The following SYT1 variants were observed in gnomAD, a reference collection of about 807,000 sequenced individuals.
The protein encoded by SYT1 is synaptotagmin-1.
Under a neutral mutation model 44.8 loss-of-function variants are expected in SYT1, and 8 were observed. The observed-to-expected ratio is 0.18, with a 90% CI of 0.10 to 0.32. SYT1 has a LOEUF of 0.32. SYT1 is among the 10% of genes least tolerant of loss of function. The probability of loss-of-function intolerance (pLI) is 1.00; values close to 1 mark genes in which losing one functional copy is unlikely to be tolerated. For synonymous variants in SYT1, 154 were observed against 188.8 expected (o/e 0.82, Z 1.51); for missense variants, 286 against 509.3 (o/e 0.56, Z 4.22).
intron 3 of SYT1, among the ~76,000 whole-genome samples, chr12:79,210,281 G>A (rs940531738): frequency 1.3e-5 from 2 of 151,396 alleles, no homozygotes; most frequent in Non-Finnish European, 1.5e-5. Flanking sequence ...ACTTATTGGT[G>A]TACAGGTGGT....
chr12:79,070,009 C>A (rs916798117), intron 3 of SYT1, among the ~76,000 whole-genome samples: 1 of 151,960 alleles, frequency 6.6e-6, no homozygotes, highest in Non-Finnish European at 1.5e-5. Flanking sequence ...TGTTCAAATG[C>A]CTTTCATTTT....
intron 1 of SYT1, among the ~76,000 whole-genome samples, chr12:78,914,106 A>G (rs1450938988): frequency 1.0e-4 from 1 of 9,934 alleles, no homozygotes; most frequent in Admixed American, 1.6e-3. Flanking sequence ...TTAATGTTCA[A>G]TTAATTATTC....
chr12:78,962,119 A>G (rs1363633086), intron 1 of SYT1, among the ~76,000 whole-genome samples: 1 of 151,950 alleles, frequency 6.6e-6, no homozygotes, highest in East Asian at 1.9e-4. Flanking sequence ...TGCTTACTTC[A>G]GTGTTTTGGA....
chr12:79,280,459 T>G (rs1019000088), intron 4 of SYT1, among the ~76,000 whole-genome samples: 1 of 151,262 alleles, frequency 6.6e-6, no homozygotes, highest in South Asian at 2.1e-4. Context: ...TACAGAAGAA[T>G]GAAACTGGAT....
At chr12:79,147,642 C>G (rs1870003403) in intron 3 of SYT1, among the ~76,000 whole-genome samples, 2 of 152,132 alleles carry the variant, frequency 1.3e-5, no homozygotes, top group Middle Eastern at 6.8e-3. Context: ...ACATTCAGTA[C>G]CAAATGCAAG....
chr12:79,134,205 C>A (rs1869036406), intron 3 of SYT1, among the ~76,000 whole-genome samples: 1 of 151,992 alleles, frequency 6.6e-6, no homozygotes, highest in Admixed American at 6.6e-5. Flanking sequence ...TATTCATTTA[C>A]TGAGAATATG....
chr12:79,110,530 CAA>C (rs1294765632), intron 3 of SYT1, among the ~76,000 whole-genome samples: 1 of 152,050 alleles, frequency 6.6e-6, no homozygotes, highest in Non-Finnish European at 1.5e-5. Flanking sequence ...TACAGATTTA[CAA>C]ATAGCATGTT....
intron 1 of SYT1, among the ~76,000 whole-genome samples, chr12:78,916,778 G>T (rs542522539): frequency 6.4e-4 from 97 of 151,996 alleles, no homozygotes; most frequent in African/African-American, 2.3e-3. Context: ...TCTTTTTAAA[G>T]ACTTTATTTT....
chr12:79,353,908 A>G (rs1486472278), intron 9 of SYT1, among the ~76,000 whole-genome samples: 2 of 152,216 alleles, frequency 1.3e-5, no homozygotes, highest in African/African-American at 4.8e-5. Context: ...TTTCTGAAAG[A>G]GAGTGTTCAT....
At chr12:79,093,872 C>T (rs1877943928) in intron 3 of SYT1, among the ~76,000 whole-genome samples, 1 of 151,462 alleles carries the variant, frequency 6.6e-6, no homozygotes, top group Non-Finnish European at 1.5e-5. Context: ...ATCTTATTTT[C>T]CAGTGAAAAT....
At chr12:79,187,665 G>A (rs1872880905) in intron 3 of SYT1, among the ~76,000 whole-genome samples, 1 of 152,022 alleles carries the variant, frequency 6.6e-6, no homozygotes, top group African/African-American at 2.4e-5. Flanking sequence ...AGATTAGTAG[G>A]AGCCCTAGAA....
chr12:79,299,558 G>A lies in SYT1; in HGVS notation c.810+7G>A. 2 of 1,610,046 alleles carry A rather than the reference G, an allele frequency of 1.2e-6. No homozygotes were observed. Among genetic ancestry groups the A allele is most frequent in the South Asian group, 1.1e-5 (1 of 90,348 alleles). Reference sequence around the variant, plus strand: ...AAGTGCTGAGAAGGAAGAGGTAAGGGAATTACTAGCATTTCTAACATCACA... The same window carrying A: ...AAGTGCTGAGAAGGAAGAGGTAAGGAAATTACTAGCATTTCTAACATCACA... On this transcript the variant is annotated splice_region_variant and intron_variant, in intron 8 of 10. Transcript: ENST00000261205.
chr12:79,310,970 A>T (rs948919500), intron 8 of SYT1, among the ~76,000 whole-genome samples: 1 of 152,240 alleles, frequency 6.6e-6, no homozygotes, highest in African/African-American at 2.4e-5. Flanking sequence ...AACAGGGACA[A>T]TTTGACTTCC....
chr12:79,335,118 T>C (rs1882029630), intron 8 of SYT1, among the ~76,000 whole-genome samples: 2 of 152,182 alleles, frequency 1.3e-5, no homozygotes, highest in African/African-American at 4.8e-5. Flanking sequence ...GTGCTTGTGC[T>C]TAATAGTAAA....
At chr12:79,327,738 A>G (rs1194652574) in intron 8 of SYT1, among the ~76,000 whole-genome samples, 1 of 152,218 alleles carries the variant, frequency 6.6e-6, no homozygotes, top group African/African-American at 2.4e-5. Context: ...GGATGATGCT[A>G]TCTGGAAGTG....
At chr12:79,312,157 C>T (rs1325786416) in intron 8 of SYT1, among the ~76,000 whole-genome samples, 1 of 151,968 alleles carries the variant, frequency 6.6e-6, no homozygotes, top group Non-Finnish European at 1.5e-5. Context: ...GCTAAATTCT[C>T]ATCTAGTCTA....
At chr12:78,874,582 T>C (rs1311485027) in intron 1 of SYT1, among the ~76,000 whole-genome samples, 1 of 151,620 alleles carries the variant, frequency 6.6e-6, no homozygotes, top group Non-Finnish European at 1.5e-5. Flanking sequence ...CCACCTTTGC[T>C]CCTCTTTCTC....
chr12:79,305,840 G>A (rs1049479660), intron 8 of SYT1, among the ~76,000 whole-genome samples: 2 of 152,166 alleles, frequency 1.3e-5, no homozygotes, highest in African/African-American at 4.8e-5. Context: ...GGGATTACAG[G>A]TGCCTGCCAC....
intron 2 of SYT1, among the ~76,000 whole-genome samples, chr12:79,015,411 A>G (rs972637525): frequency 2.6e-5 from 4 of 151,932 alleles, no homozygotes; most frequent in African/African-American, 7.2e-5. Context: ...TGTTTTTCCT[A>G]TTTTTATAGG....
Sources: allele counts gnomAD v4.1 joint callset (sites outside exome capture counted in the v4.1 genomes callset), GRCh38; gene constraint gnomAD v4.1.1; transcripts MANE v1.5; gene names NCBI Gene and HGNC (gene_info 2026-07-23, HGNC 2026-07-21).